Variants in CRIM1 observed in about 807,000 individuals in gnomAD.
The protein encoded by CRIM1 is cysteine-rich motor neuron 1 protein.
A neutral mutation model predicts 116.4 loss-of-function variants in CRIM1; 32 were observed. The ratio of observed to expected loss-of-function variants is 0.27; its 90% CI spans 0.21 to 0.37. The LOEUF is 0.37. Among genes scored for constraint, CRIM1 ranks in the 10% least tolerant of loss-of-function variants. The pLI is 1.00. For synonymous variants in CRIM1, 590 were observed against 509.2 expected (o/e 1.16, Z -2.13); for missense variants, 1,331 against 1,354.8 (o/e 0.98, Z 0.28).
At chr2:36,379,269 G>A (rs759458261) in intron 1 of CRIM1, 16 of 152,168 alleles carry the variant, frequency 1.1e-4, no homozygotes, top group Admixed American at 4.6e-4. Flanking sequence ...TATGCAGGTG[G>A]TTTGAAGGAT....
chr2:36,442,055 T>G (rs1675872901), intron 3 of CRIM1, among the ~76,000 whole-genome samples: 2 of 152,298 alleles, frequency 1.3e-5, no homozygotes, highest in East Asian at 3.9e-4. Context: ...TTACTCACCC[T>G]CTTTGCCAAC....
chr2:36,417,227 C>T (rs761614393), intron 2 of CRIM1, among the ~76,000 whole-genome samples: 1 of 152,024 alleles, frequency 6.6e-6, no homozygotes, highest in Non-Finnish European at 1.5e-5. Context: ...TTTTCTTCAC[C>T]CCTCTTCTCT....
rs1247191657 is a variant in CRIM1 at position 36,356,510 on chromosome 2, G to C, written c.218G>C (p.Ser73Thr). Residue 73 changes from serine (S) to threonine (T), a missense_variant, in exon 1 of 17, where the codon AGC becomes ACC. Around this residue, in one of 3 missense-constraint regions of CRIM1, gnomAD observed 690 missense variants for 676.0 expected, o/e 1.02. Transcript: ENST00000280527. This position sits in a 1 kb window ranked among gnomAD's most constrained non-coding sequence, Gnocchi z 4.3. Reference sequence around the variant, plus strand: ...ACGTGCGCCAGCCAGAGGAACGAGAGCTGCGGCGGCACCTTCGGGATTTAC... The same window carrying C: ...ACGTGCGCCAGCCAGAGGAACGAGACCTGCGGCGGCACCTTCGGGATTTAC... The part of the protein sequence containing the change: ...CYTCASQRNE[S>T]CGGTFGIYGT... 1.9e-6 allele frequency: 3 copies of C among 1,612,960 alleles called. No homozygotes were observed. Among genetic ancestry groups the C allele is most frequent in the East Asian group, 4.5e-5 (2 of 44,838 alleles).
At chr2:36,397,999 A>G (rs1018827724) in intron 2 of CRIM1, among the ~76,000 whole-genome samples, 10 of 152,112 alleles carry the variant, frequency 6.6e-5, no homozygotes, top group African/African-American at 2.4e-4. Context: ...GCCATGGGTT[A>G]CCTAACTCAT....
chr2:36,413,983 G>A lies in CRIM1; in HGVS notation c.505+17196G>A, dbSNP rs75073867. Among the ~76,000 whole-genome samples the A allele has an allele frequency of 5.9e-5, 9 of 152,278 alleles. 1 individual carries two copies. The East Asian group carries it at 1.7e-3, about 29-fold the overall frequency. ...AAATATACATCATAACAGTATGCTG[G>A]AGACATCTTCATATATTTGTGTTTT... is the stretch of plus-strand genomic sequence containing the variant. On this transcript the variant is annotated intron_variant, in intron 2 of 16. Coordinates refer to ENST00000280527, the MANE Select transcript of CRIM1 (RefSeq NM_016441.3).
intron 1 of CRIM1, 133 bp from the exon 2 acceptor site, chr2:36,396,481 G>C: frequency 3.6e-6 from 2 of 554,134 alleles, no homozygotes; most frequent in South Asian, 6.9e-5. Flanking sequence ...TAAAGTTTCA[G>C]CCAGACTGCC....
At chr2:36,543,826 G>T (rs892673648) in intron 14 of CRIM1, among the ~76,000 whole-genome samples, 2 of 151,912 alleles carry the variant, frequency 1.3e-5, no homozygotes, top group African/African-American at 4.8e-5. Flanking sequence ...TAATCTAAAT[G>T]GTTCCAGTGG....
At chr2:36,369,486 A>G (rs1045327101) in intron 1 of CRIM1, among the ~76,000 whole-genome samples, 4 of 152,222 alleles carry the variant, frequency 2.6e-5, no homozygotes, top group East Asian at 1.9e-4. Context: ...GCAAGAGTCA[A>G]TTCCTCTGTG....
rs1572990736 is a variant in CRIM1 at position 36,550,456 on chromosome 2, T to G, written c.*1755T>G. 2 of 152,696 alleles carry G rather than the reference T, an allele frequency of 1.3e-5. No homozygotes were observed. Among genetic ancestry groups the G allele is most frequent in the East Asian group, 3.8e-4 (2 of 5,196 alleles). 9.5% of individuals were successfully genotyped at this position (152,696 alleles called of 1,614,324 possible). A position where few individuals can be genotyped will look rare whatever the true frequency, so the allele number is the denominator to read the frequency against. ...TGAAAGACACAGATACCCAGTATGCTTAACGTGAAAAGAAAATGTGTTCTG... is the reference window on the plus strand; with the variant it reads ...TGAAAGACACAGATACCCAGTATGCGTAACGTGAAAAGAAAATGTGTTCTG... On this transcript the variant is annotated 3_prime_UTR_variant, in exon 17 of 17. Transcript: ENST00000280527.
intron 2 of CRIM1, among the ~76,000 whole-genome samples, chr2:36,428,510 T>C (rs1674630436): frequency 6.6e-6 from 1 of 152,258 alleles, no homozygotes; most frequent in Non-Finnish European, 1.5e-5. Flanking sequence ...AAGCCTGGGC[T>C]TTCTGCTTAA....
At chr2:36,534,304 G>C (rs575886891) in intron 13 of CRIM1, among the ~76,000 whole-genome samples, 40 of 132,974 alleles carry the variant, frequency 3.0e-4, no homozygotes, top group African/African-American at 1.1e-3. Context: ...AGAAAGGAAG[G>C]AGGGAGGGGG....
chr2:36,550,252 T>A lies in CRIM1; in HGVS notation c.*1551T>A, dbSNP rs1030023955. The stretch of plus-strand genomic sequence containing the variant: ...CTCCTGGATTTTTTTTTTTTTTTTT[T>A]CAAACAATGGTTTGAAACAACTACT... On this transcript the variant is annotated 3_prime_UTR_variant, in exon 17 of 17. Coordinates refer to ENST00000280527, the MANE Select transcript of CRIM1 (RefSeq NM_016441.3). The A allele has an allele frequency of 7.0e-6, 1 of 143,132 alleles. No individual in the cohort carries two copies. The highest frequency in any genetic ancestry group is 2.3e-4 in the South Asian group (1 of 4,406). 8.9% of individuals were successfully genotyped at this position (143,132 alleles called of 1,614,324 possible). A position where few individuals can be genotyped will look rare whatever the true frequency, so the allele number is the denominator to read the frequency against.
chr2:36,517,559 C>T lies in CRIM1; in HGVS notation c.2206+17C>T. 6.3e-7 allele frequency: 1 copy of T among 1,598,612 alleles called. No individual in the cohort carries two copies. Among genetic ancestry groups the T allele is most frequent in the South Asian group, 1.1e-5 (1 of 90,734 alleles). On this transcript the variant is annotated intron_variant, in intron 12 of 16. Coordinates refer to ENST00000280527, the MANE Select transcript of CRIM1 (RefSeq NM_016441.3). ...AGTGTACAGGTAAGCGACACCATGC[C>T]TTGTGGGTGCTTGGTGGGGAAGGAT... is the stretch of plus-strand genomic sequence containing the variant.
intron 2 of CRIM1, among the ~76,000 whole-genome samples, chr2:36,416,002 G>A (rs927620147): frequency 6.6e-6 from 1 of 152,198 alleles, no homozygotes; most frequent in African/African-American, 2.4e-5. Context: ...AAGGTCAGGA[G>A]TTCAAGACCA....
chr2:36,550,138 T>C lies in CRIM1; in HGVS notation c.*1437T>C, dbSNP rs913962945. 2.6e-5 allele frequency: 4 copies of C among 152,522 alleles called. No individual in the cohort carries two copies. The highest frequency in any genetic ancestry group is 5.9e-5 in the Non-Finnish European group (4 of 68,030). 9.4% of individuals were successfully genotyped at this position (152,522 alleles called of 1,614,324 possible). A position where few individuals can be genotyped will look rare whatever the true frequency, so the allele number is the denominator to read the frequency against. ...AGAAGGGTATTCCTTTATTAAAATC[T>C]TCCTCATTTGGATTTGCTTTCAGTT... On this transcript the variant is annotated 3_prime_UTR_variant, in exon 17 of 17. Coordinates refer to ENST00000280527, the MANE Select transcript of CRIM1 (RefSeq NM_016441.3).
At chr2:36,373,761 A>G (rs1271994098) in intron 1 of CRIM1, among the ~76,000 whole-genome samples, 11 of 152,012 alleles carry the variant, frequency 7.2e-5, no homozygotes, top group African/African-American at 1.7e-4. Context: ...GTTGGAGATT[A>G]TGTGATGTGT....
chr2:36,453,794 C>T (rs1276888654), intron 4 of CRIM1, among the ~76,000 whole-genome samples: 1 of 152,152 alleles, frequency 6.6e-6, no homozygotes, highest in Non-Finnish European at 1.5e-5. Context: ...CAAACACATG[C>T]TAATTCCTAT....
chr2:36,393,800 GTAA>G (rs1399791602), intron 1 of CRIM1, among the ~76,000 whole-genome samples: 1 of 152,178 alleles, frequency 6.6e-6, no homozygotes, highest in East Asian at 1.9e-4. Context: ...CGTGTTTCTG[GTAA>G]GAGCCTCAAG....
chr2:36,471,110 A>C lies in CRIM1; in HGVS notation c.992-5779A>C, dbSNP rs149356196. On this transcript the variant is annotated intron_variant, in intron 5 of 16. Coordinates refer to ENST00000280527, the MANE Select transcript of CRIM1 (RefSeq NM_016441.3). Reference sequence around the variant, plus strand: ...TGCTGCAATCTCATGATAAAACTGGAAAGGATGAGGAGTTTCTTCTTATCG... The same window carrying C: ...TGCTGCAATCTCATGATAAAACTGGCAAGGATGAGGAGTTTCTTCTTATCG... Among the ~76,000 whole-genome samples the C allele has an allele frequency of 4.0e-3, 612 of 152,330 alleles. 4 individuals carry two copies. The highest frequency in any genetic ancestry group is 0.014 in the African/African-American group (588 of 41,566).
Sources: gnomAD v4.1 joint callset for allele counts (sites outside exome capture counted in the v4.1 genomes callset) on GRCh38, gnomAD v4.1.1 for gene constraint, gnomAD v4.1.1 regional missense constraint, Gnocchi (gnomAD v3.1) non-coding constraint, MANE v1.5 for transcripts, NCBI Gene and HGNC (gene_info 2026-07-23, HGNC 2026-07-21) for gene names.